The following IFI16 variants were observed in gnomAD, a reference collection of about 807,000 sequenced individuals.
IFI16 encodes the protein interferon gamma inducible protein 16.
Under a neutral mutation model 68.4 loss-of-function variants are expected in IFI16, and 49 were observed. The observed-to-expected ratio is 0.72, with a 90% CI of 0.57 to 0.91. The LOEUF (loss-of-function observed/expected upper bound fraction) is 0.91. Among genes scored for constraint, IFI16 ranks in the 40% least tolerant of loss-of-function variants. The probability of loss-of-function intolerance (pLI) is 0.00; values close to 1 mark genes in which losing one functional copy is unlikely to be tolerated. For synonymous variants in IFI16, 307 were observed against 315.0 expected (o/e 0.97, Z 0.27); for missense variants, 878 against 942.9 (o/e 0.93, Z 0.90).
upstream of IFI16, among the ~76,000 whole-genome samples, chr1:159,007,652 G>A (rs937555384): frequency 1.1e-4 from 17 of 151,998 alleles, no homozygotes; most frequent in African/African-American, 3.1e-4. Flanking sequence ...AGTTTATGAG[G>A]GTGGGGTCCT....
chr1:159,023,997 A>G (rs1362386651), intron 6 of IFI16, among the ~76,000 whole-genome samples: 10 of 152,246 alleles, frequency 6.6e-5, no homozygotes, highest in Admixed American at 6.5e-4. Context: ...GGATTTTGCA[A>G]GAGAGCCACC....
At chr1:159,047,022 G>T (rs928326458) in intron 8 of IFI16, among the ~76,000 whole-genome samples, 9 of 151,088 alleles carry the variant, frequency 6.0e-5, no homozygotes, top group South Asian at 2.1e-4. Context: ...ACCTCTGTAT[G>T]ACCTACAATC....
intron 6 of IFI16, among the ~76,000 whole-genome samples, chr1:159,023,888 G>C (rs1653488531): frequency 6.6e-6 from 1 of 152,192 alleles, no homozygotes; most frequent in Admixed American, 6.5e-5. Flanking sequence ...GGCATTCAGA[G>C]GTGGAAGCAG....
In IFI16 at chr1:159,015,913, GATGCTACTT is replaced by G; in HGVS notation, c.308_316del (p.Asp103_Ser106delinsAla). ...ATCAAGAAAGAGGAAGAAGGAAGTGGATGCTACTTCACCTGCACCCTCCACAAGCAGCAC... is the reference window on the plus strand; with the variant it reads ...ATCAAGAAAGAGGAAGAAGGAAGTGGCACCTGCACCCTCCACAAGCAGCAC... On this transcript the variant is annotated inframe_deletion, in exon 3 of 12. Coordinates refer to ENST00000295809, the MANE Select transcript of IFI16 (RefSeq NM_001376587.1). 6.2e-7 allele frequency: 1 copy of G among 1,614,102 alleles called. No homozygotes were observed.
chr1:159,012,072 CTTCTT>C (rs1315258581), intron 1 of IFI16, among the ~76,000 whole-genome samples: 1 of 150,632 alleles, frequency 6.6e-6, no homozygotes, highest in Non-Finnish European at 1.5e-5. Context: ...ATTTTTCACT[CTTCTT>C]ATCTTTTGGC....
chr1:159,030,195 A>G (rs1653919873), intron 6 of IFI16, among the ~76,000 whole-genome samples: 1 of 151,846 alleles, frequency 6.6e-6, no homozygotes, highest in Admixed American at 6.6e-5. Context: ...TTTTCCATCC[A>G]TATCCTGTAA....
At chr1:159,002,335 AAAAC>A (rs1652092014), upstream of IFI16, among the ~76,000 whole-genome samples, 1 of 152,248 alleles carries the variant, frequency 6.6e-6, no homozygotes, top group Non-Finnish European at 1.5e-5. Flanking sequence ...AAAGAAAAAA[AAAAC>A]TAGTGTTATT....
intron 8 of IFI16, among the ~76,000 whole-genome samples, chr1:159,047,194 C>T (rs1406706206): frequency 1.3e-5 from 2 of 151,332 alleles, no homozygotes; most frequent in African/African-American, 2.4e-5. Context: ...GCCCAGGTTG[C>T]GGACCCGAGC....
intron 8 of IFI16, among the ~76,000 whole-genome samples, chr1:159,047,149 A>G (rs761348947): frequency 4.6e-5 from 7 of 151,134 alleles, no homozygotes; most frequent in East Asian, 3.9e-4. Context: ...CTATTCTCCA[A>G]TGTTGTTTCT....
At chr1:159,006,280 A>AT (rs1391434162), upstream of IFI16, among the ~76,000 whole-genome samples, 2 of 152,268 alleles carry the variant, frequency 1.3e-5, no homozygotes, top group Admixed American at 6.5e-5. Context: ...TAGGTTTAGG[A>AT]AGGGGAGGGG....
At chr1:159,042,333 T>C (rs1654702250) in intron 7 of IFI16, among the ~76,000 whole-genome samples, 1 of 152,002 alleles carries the variant, frequency 6.6e-6, no homozygotes, top group African/African-American at 2.4e-5. Context: ...AACAAAATGA[T>C]TTGAATTATG....
Position 159,018,273 on chromosome 1 carries a change from T to A in IFI16, c.594T>A (p.Asn198Lys). 2 of 1,614,032 alleles carry A rather than the reference T, an allele frequency of 1.2e-6. No homozygotes were observed. The highest frequency in any genetic ancestry group is 1.7e-6 in the Non-Finnish European group (2 of 1,179,940). ...VAKCQVTPRR[N>K]VLQKRPVIVK... is the part of the protein sequence containing the mutation. The stretch of plus-strand genomic sequence containing the variant: ...AATGTCAGGTAACTCCCAGAAGAAA[T>A]GTTCTCCAAAAACGCCCAGTGATAG... The change falls in exon 5 of 12, where the codon AAT becomes AAA. Residue 198 changes from asparagine to lysine, a missense_variant. Transcript: ENST00000295809.
chr1:159,020,501 T>C lies in IFI16; in HGVS notation c.1133T>C (p.Leu378Pro), dbSNP rs750172788. ...RLRKKNQMSK[L>P]ISEMHSFIQI... Reference sequence around the variant, plus strand: ...AGAAAAAAGAACCAGATGTCAAAACTGATTTCAGAAATGCATAGTTTTATC... The same window carrying C: ...AGAAAAAAGAACCAGATGTCAAAACCGATTTCAGAAATGCATAGTTTTATC... Residue 378 changes from leucine (L) to proline (P), a missense_variant, in exon 6 of 12, where the codon CTG becomes CCG. Leu to Pro is a moderately conservative substitution (Grantham distance 98). Coordinates refer to ENST00000295809, the MANE Select transcript of IFI16 (RefSeq NM_001376587.1). The C allele has an allele frequency of 6.2e-7, 1 of 1,612,084 alleles. No homozygotes were observed. The highest frequency in any genetic ancestry group is 8.5e-7 in the Non-Finnish European group (1 of 1,178,968).
intron 6 of IFI16, among the ~76,000 whole-genome samples, chr1:159,024,145 G>A (rs1167985350): frequency 6.6e-6 from 1 of 152,138 alleles, no homozygotes; most frequent in Non-Finnish European, 1.5e-5. Flanking sequence ...TTCCAGCCAG[G>A]CATTTGCATC....
rs146748094 is a variant in IFI16, at chr1:159,054,450, A to G, written c.2278-371A>G. Reference sequence around the variant, plus strand: ...ACATTTCAAACCTTCTTTGATAGCAATTGCACCAGGAATACCTTTTGTACT... The same window carrying G: ...ACATTTCAAACCTTCTTTGATAGCAGTTGCACCAGGAATACCTTTTGTACT... On this transcript the variant is annotated intron_variant, in intron 11 of 11. Coordinates refer to ENST00000295809, the MANE Select transcript of IFI16 (RefSeq NM_001376587.1). 2.4e-3 allele frequency among the ~76,000 whole-genome samples: 364 copies of G among 152,304 alleles called. 2 individuals are homozygous for G. The highest frequency in any genetic ancestry group is 8.5e-3 in the African/African-American group (352 of 41,566).
intron 5 of IFI16, among the ~76,000 whole-genome samples, chr1:159,019,145 A>G (rs975289270): frequency 5.9e-5 from 9 of 152,160 alleles, no homozygotes; most frequent in African/African-American, 1.9e-4. Context: ...AGGTAGGACA[A>G]TGTTCTGACC....
At position 159,049,559 on chromosome 1, in the gene IFI16, A is replaced by G. The variant is rs767302712; in HGVS notation, c.1625A>G (p.Gln542Arg). 2.5e-6 allele frequency: 4 copies of G among 1,577,182 alleles called. No individual in the cohort carries two copies. In the Admixed American group the frequency reaches 7.7e-5, roughly 30 times the overall value. Residue 542 changes from glutamine (Q) to arginine (R), a missense_variant, in exon 9 of 12, where the codon CAG (glutamine) becomes CGG (arginine). By Grantham distance (43) the Gln-to-Arg change is conservative (BLOSUM62 1). Around this residue, in one of 4 missense-constraint regions of IFI16, gnomAD observed 311 missense variants for 305.1 expected, o/e 1.02. Transcript: ENST00000295809. ...GPAESHPHTP[Q>R]MPPSTPSSSF... ...GCTGAGAGCCATCCCCACACTCCTC[A>G]GATGCCTCCATCAACACCAAGCAGC...
chr1:159,042,295 C>A (rs1654698110), intron 7 of IFI16, among the ~76,000 whole-genome samples: 1 of 136,134 alleles, frequency 7.3e-6, no homozygotes, highest in Non-Finnish European at 1.6e-5. Context: ...TATTTGATAT[C>A]TTCTGCCATG....
At chr1:159,025,311 T>TG (rs1275785309) in intron 6 of IFI16, among the ~76,000 whole-genome samples, 2 of 152,118 alleles carry the variant, frequency 1.3e-5, no homozygotes, top group African/African-American at 4.8e-5. Context: ...GTGACTTACC[T>TG]GGCCACCCTC....
Sources: allele counts gnomAD v4.1 joint callset (sites outside exome capture counted in the v4.1 genomes callset), GRCh38; gene constraint gnomAD v4.1.1; regional missense constraint gnomAD v4.1.1; transcripts MANE v1.5; gene names NCBI Gene and HGNC (gene_info 2026-07-23, HGNC 2026-07-21).